CHST11: variants seen among roughly 807,000 people sequenced by gnomAD.
CHST11 encodes the protein C4S-1.
Under a neutral mutation model 30.4 loss-of-function variants are expected in CHST11, and 9 were observed. The ratio of observed to expected loss-of-function variants is 0.30; its 90% CI spans 0.18 to 0.52. The LOEUF (loss-of-function observed/expected upper bound fraction) is 0.52, where lower values mean the gene tolerates loss of function less well. Among genes scored for constraint, CHST11 ranks in the 20% least tolerant of loss-of-function variants. The pLI is 0.97. For missense variants in CHST11, 348 were observed against 460.6 expected (o/e 0.76, Z 2.24); for synonymous variants, 152 against 187.8 (o/e 0.81, Z 1.56).
At chr12:104,497,429 A>ACCT (rs1339486488) in intron 1 of CHST11, among the ~76,000 whole-genome samples, 1 of 152,206 alleles carries the variant, frequency 6.6e-6, no homozygotes, top group East Asian at 1.9e-4. Context: ...CCTGCTTGAC[A>ACCT]CCTTGATCCT....
At chr12:104,679,182 C>G (rs766947564) in intron 2 of CHST11, among the ~76,000 whole-genome samples, 1 of 152,162 alleles carries the variant, frequency 6.6e-6, no homozygotes, top group African/African-American at 2.4e-5. Context: ...GGTCACCTGG[C>G]TAGTAAATGA....
chr12:104,551,140 A>G (rs768938175), intron 1 of CHST11, among the ~76,000 whole-genome samples: 3 of 152,200 alleles, frequency 2.0e-5, no homozygotes, highest in Non-Finnish European at 4.4e-5. Flanking sequence ...ATCCTCCCAG[A>G]CTGGGGATGG....
chr12:104,554,740 C>T (rs2038438530), intron 1 of CHST11, among the ~76,000 whole-genome samples: 2 of 152,188 alleles, frequency 1.3e-5, no homozygotes, highest in South Asian at 4.1e-4. Context: ...CAGAGGCTTC[C>T]ATGACTTAAA....
intron 1 of CHST11, among the ~76,000 whole-genome samples, chr12:104,513,138 T>TGGGGGGGGGGGGGGGGGGGGGGGGGGG (rs1565969843): frequency 3.0e-4 from 1 of 3,340 alleles, no homozygotes; most frequent in Non-Finnish European, 5.8e-4. Flanking sequence ...GGGGGGGGGG[T>TGGGGGGGGGGGGGGGGGGGGGGGGGGG]TGGGGGTGGG....
intron 1 of CHST11, among the ~76,000 whole-genome samples, chr12:104,459,240 T>G (rs1276753879): frequency 3.3e-5 from 5 of 150,950 alleles, no homozygotes; most frequent in African/African-American, 1.2e-4. Context: ...TTGGTTGCAG[T>G]GGGCAGGGCC....
intron 2 of CHST11, among the ~76,000 whole-genome samples, chr12:104,629,135 G>A (rs1003272069): frequency 1.4e-4 from 22 of 152,192 alleles, no homozygotes; most frequent in Non-Finnish European, 1.5e-5. Flanking sequence ...CAGGCTGCCT[G>A]CATTTGTATT....
chr12:104,586,816 G>C (rs1157030550), intron 1 of CHST11, among the ~76,000 whole-genome samples: 2 of 152,234 alleles, frequency 1.3e-5, no homozygotes, highest in Non-Finnish European at 2.9e-5. Flanking sequence ...TGTGTAAAAT[G>C]TAATTAATAT....
chr12:104,559,768 A>G (rs527989389), intron 1 of CHST11, among the ~76,000 whole-genome samples: 23 of 152,232 alleles, frequency 1.5e-4, no homozygotes, highest in Admixed American at 1.0e-3. Flanking sequence ...AATAAAATAA[A>G]ATAAAATAAA....
chr12:104,617,778 A>G (rs1261754143), intron 2 of CHST11, among the ~76,000 whole-genome samples: 2 of 152,314 alleles, frequency 1.3e-5, no homozygotes, highest in South Asian at 2.1e-4. Context: ...GTTTCTTTCT[A>G]TGTAAAAACA....
At chr12:104,630,628 G>A (rs866866245) in intron 2 of CHST11, among the ~76,000 whole-genome samples, 1 of 152,196 alleles carries the variant, frequency 6.6e-6, no homozygotes, top group Non-Finnish European at 1.5e-5. Flanking sequence ...TCCACCAGGC[G>A]AAAATGGGCA....
intron 2 of CHST11, among the ~76,000 whole-genome samples, chr12:104,607,748 G>T (rs1300680795): frequency 1.3e-5 from 2 of 152,168 alleles, no homozygotes; most frequent in East Asian, 3.8e-4. Context: ...GGAGTGGCAG[G>T]TTGGTAGCAT....
chr12:104,720,183 C>A (rs950661125), intron 2 of CHST11, among the ~76,000 whole-genome samples: 6 of 152,254 alleles, frequency 3.9e-5, no homozygotes, highest in Non-Finnish European at 8.8e-5. Flanking sequence ...CAGGACAGCT[C>A]CCCGACTCTG....
In CHST11 at chr12:104,712,437, A is replaced by C. The variant is rs372971120; in HGVS notation, c.205-44512A>C. ...AGCAGCCGCCCCTTCTTGTACAACC[A>C]CTTCTTTACACGTGAGGACATTAGG... On this transcript the variant is annotated intron_variant, in intron 2 of 2. Coordinates refer to ENST00000303694, the MANE Select transcript of CHST11 (RefSeq NM_018413.6). 1.1e-4 allele frequency among the ~76,000 whole-genome samples: 16 copies of C among 152,170 alleles called. No individual in the cohort carries two copies. In the East Asian group the frequency reaches 1.9e-3, roughly 18 times the overall value.
At chr12:104,466,972 A>G (rs1449306303) in intron 1 of CHST11, among the ~76,000 whole-genome samples, 1 of 152,008 alleles carries the variant, frequency 6.6e-6, no homozygotes, top group African/African-American at 2.4e-5. Context: ...GAGGAATGCC[A>G]TTTTCTTGTG....
intron 2 of CHST11, among the ~76,000 whole-genome samples, chr12:104,624,521 G>A (rs1351889799): frequency 1.1e-5 from 1 of 90,620 alleles, no homozygotes. Context: ...CATATCAAAT[G>A]AATGAAGGGA....
intron 1 of CHST11, among the ~76,000 whole-genome samples, chr12:104,539,969 C>T (rs914780478): frequency 6.6e-6 from 1 of 152,138 alleles, no homozygotes; most frequent in African/African-American, 2.4e-5. Context: ...CCACCACACC[C>T]AGCCCTAAAA....
intron 2 of CHST11, among the ~76,000 whole-genome samples, chr12:104,614,622 T>G (rs2039090601): frequency 1.3e-5 from 2 of 152,014 alleles, no homozygotes; most frequent in African/African-American, 4.8e-5. Flanking sequence ...AGACCTAGAC[T>G]AGGCATGTGT....
intron 1 of CHST11, among the ~76,000 whole-genome samples, chr12:104,466,218 G>A (rs749850815): frequency 1.5e-4 from 23 of 152,118 alleles, no homozygotes; most frequent in Non-Finnish European, 5.9e-5. Context: ...TGCTTATAGA[G>A]GCATAAGGGG....
intron 1 of CHST11, among the ~76,000 whole-genome samples, chr12:104,526,340 C>T (rs1053498262): frequency 6.6e-6 from 1 of 152,022 alleles, no homozygotes; most frequent in Non-Finnish European, 1.5e-5. Context: ...CTTAAGGAGC[C>T]CAGTTGGCCT....
Sources: allele counts gnomAD v4.1 joint callset (sites outside exome capture counted in the v4.1 genomes callset), GRCh38; gene constraint gnomAD v4.1.1; transcripts MANE v1.5; gene names NCBI Gene and HGNC (gene_info 2026-07-23, HGNC 2026-07-21).